Variants in AFAP1 observed in about 807,000 individuals in gnomAD.
AFAP1 encodes the protein actin filament associated protein 1.
In AFAP1, 75 loss-of-function variants were observed where a neutral mutation model predicts 93.9. That is an observed-to-expected ratio of 0.80 (90% CI 0.66 to 0.97). The LOEUF (loss-of-function observed/expected upper bound fraction) is 0.97. AFAP1 is among the 50% of genes least tolerant of loss of function. The probability of loss-of-function intolerance (pLI) is 0.00; values close to 1 mark genes in which losing one functional copy is unlikely to be tolerated. For missense variants in AFAP1, 1,201 were observed against 1,050.8 expected, an observed-to-expected ratio of 1.14 and a Z score of -1.98; for synonymous variants, 517 against 430.7, an observed-to-expected ratio of 1.20 and a Z score of -2.48.
chr4:7,904,245 G>A (rs2149219582), intron 1 of AFAP1, among the ~76,000 whole-genome samples: 1 of 152,148 alleles, frequency 6.6e-6, no homozygotes, highest in South Asian at 2.1e-4. Flanking sequence ...AGAGTGCACG[G>A]GGCCGACTGC....
intron 12 of AFAP1, among the ~76,000 whole-genome samples, chr4:7,783,296 T>C (rs1484559462): frequency 1.3e-5 from 2 of 152,208 alleles, no homozygotes; most frequent in Admixed American, 6.5e-5. Flanking sequence ...CCCACCACCA[T>C]GCCCGGCTAA....
chr4:7,778,056 A>C (rs1384117599), intron 14 of AFAP1: 1 of 153,266 alleles, frequency 6.5e-6, no homozygotes, highest in East Asian at 1.9e-4. Flanking sequence ...TTCTCTGCCC[A>C]ATCTATTTCC....
chr4:7,837,098 C>A (rs930352085), intron 6 of AFAP1, among the ~76,000 whole-genome samples: 2 of 152,098 alleles, frequency 1.3e-5, no homozygotes, highest in African/African-American at 4.8e-5. Context: ...GTCAAGTAAA[C>A]GTTTCTAAAA....
intron 2 of AFAP1, among the ~76,000 whole-genome samples, chr4:7,871,032 A>T (rs1716984294): frequency 6.6e-6 from 1 of 152,098 alleles, no homozygotes; most frequent in Non-Finnish European, 1.5e-5. Context: ...ATCATCCAGG[A>T]ACTGCCCCTC....
chr4:7,826,780 C>A (rs1482910614), intron 6 of AFAP1, among the ~76,000 whole-genome samples: 2 of 152,154 alleles, frequency 1.3e-5, no homozygotes, highest in African/African-American at 4.8e-5. Flanking sequence ...CAGATACAGG[C>A]TGCCAGTGGG....
chr4:7,908,350 A>C (rs1353361733), intron 1 of AFAP1, among the ~76,000 whole-genome samples: 2 of 152,244 alleles, frequency 1.3e-5, no homozygotes, highest in African/African-American at 4.8e-5. Flanking sequence ...AGCCCTTGGC[A>C]TCACACTAGG....
rs369689889 is a variant in AFAP1 at position 7,800,688 on chromosome 4, G to A, written c.1055-35C>T. 3.8e-5 allele frequency: 61 copies of A among 1,611,320 alleles called. No homozygotes were observed. The African/African-American group carries it at 4.1e-4, about 11-fold the overall frequency. On this transcript the variant is annotated intron_variant, in intron 9 of 17. Coordinates refer to ENST00000420658, the MANE Select transcript of AFAP1 (RefSeq NM_001134647.2). ...CACAAGGCCACAGGTCAGCCGCCTCGGACAAGACCAGGCGAGGTGAAGACG... is the reference window on the plus strand; with the variant it reads ...CACAAGGCCACAGGTCAGCCGCCTCAGACAAGACCAGGCGAGGTGAAGACG...
chr4:7,919,867 C>G (rs912808878), intron 1 of AFAP1, among the ~76,000 whole-genome samples: 2 of 152,002 alleles, frequency 1.3e-5, no homozygotes, highest in Non-Finnish European at 2.9e-5. Flanking sequence ...CATTGTTCAG[C>G]TCCCACTTAT....
chr4:7,824,571 A>G (rs1336648244), intron 6 of AFAP1, among the ~76,000 whole-genome samples: 1 of 152,220 alleles, frequency 6.6e-6, no homozygotes, highest in East Asian at 1.9e-4. Flanking sequence ...CACAGTTCTC[A>G]TGGTTTTTTT....
At chr4:7,926,656 T>C (rs970367705) in intron 1 of AFAP1, among the ~76,000 whole-genome samples, 1 of 152,168 alleles carries the variant, frequency 6.6e-6, no homozygotes, top group Non-Finnish European at 1.5e-5. Flanking sequence ...TTCCTCCTTT[T>C]CCACCCAAGT....
chr4:7,846,635 C>G (rs1171577939), intron 4 of AFAP1, among the ~76,000 whole-genome samples: 1 of 152,214 alleles, frequency 6.6e-6, no homozygotes, highest in Non-Finnish European at 1.5e-5. Context: ...TTTAATTTCA[C>G]TCATTCCACA....
chr4:7,872,688 A>G (rs1365446429), intron 1 of AFAP1, among the ~76,000 whole-genome samples: 1 of 152,190 alleles, frequency 6.6e-6, no homozygotes, highest in African/African-American at 2.4e-5. Flanking sequence ...GGCTTAGGTC[A>G]GCAGTTTGTA....
intron 5 of AFAP1, 121 bp downstream of exon 5, chr4:7,843,018 T>A: frequency 2.6e-6 from 3 of 1,136,552 alleles, no homozygotes; most frequent in Non-Finnish European, 3.7e-6. Context: ...TCAGGGCACC[T>A]GGCTGACACC....
chr4:7,929,540 C>G (rs1187576533), intron 1 of AFAP1, among the ~76,000 whole-genome samples: 1 of 152,190 alleles, frequency 6.6e-6, no homozygotes, highest in African/African-American at 2.4e-5. Flanking sequence ...AAGTCCAACT[C>G]AAATACACCT....
Position 7,761,019 on chromosome 4 carries a change from C to T in AFAP1, c.*2746G>A, listed in dbSNP as rs1403486953. On this transcript the variant is annotated 3_prime_UTR_variant, in exon 18 of 18. Transcript: ENST00000420658. The stretch of plus-strand genomic sequence containing the variant: ...AGCCTGGCTTCGTTATGAAATCAGA[C>T]ACACTCGCAGCTGCCACAGAGGCAA... 3 of 152,258 alleles carry T rather than the reference C, an allele frequency of 2.0e-5. No homozygotes were observed. The highest frequency in any genetic ancestry group is 4.4e-5 in the Non-Finnish European group (3 of 68,044). 9.4% of individuals were successfully genotyped at this position (152,258 alleles called of 1,614,324 possible).
rs1300183125 is a variant in AFAP1 at position 7,793,657 on chromosome 4, A to G, written c.1412+24T>C. 7 of 1,493,126 alleles carry G rather than the reference A, an allele frequency of 4.7e-6. 1 individual carries two copies. The South Asian group carries it at 7.0e-5, about 15-fold the overall frequency. The allele number at this position is 1,493,126 out of a possible 1,614,324, so 92.5% of individuals were successfully genotyped here. A position where few individuals can be genotyped will look rare whatever the true frequency, so the allele number is the denominator to read the frequency against. Reference sequence around the variant, plus strand: ...AAGACAGTTACTGAACTGTGGTGCCATTTCACATGGCAGTGGGTCTTACCA... The same window carrying G: ...AAGACAGTTACTGAACTGTGGTGCCGTTTCACATGGCAGTGGGTCTTACCA... On this transcript the variant is annotated intron_variant, in intron 11 of 17. Coordinates refer to ENST00000420658, the MANE Select transcript of AFAP1 (RefSeq NM_001134647.2).
intron 5 of AFAP1, among the ~76,000 whole-genome samples, chr4:7,839,699 A>G (rs1405393859): frequency 3.3e-5 from 5 of 152,194 alleles, no homozygotes; most frequent in Non-Finnish European, 2.9e-5. Context: ...CTTAACTCAA[A>G]TGGCTCTTGC....
chr4:7,787,294 C>T (rs1004786538), intron 11 of AFAP1, among the ~76,000 whole-genome samples: 1 of 152,172 alleles, frequency 6.6e-6, no homozygotes, highest in Non-Finnish European at 1.5e-5. Flanking sequence ...CTTTGCCCGG[C>T]GCACCTCTTC....
intron 6 of AFAP1, among the ~76,000 whole-genome samples, chr4:7,838,291 C>T (rs1368624841): frequency 2.0e-5 from 3 of 152,108 alleles, no homozygotes; most frequent in Non-Finnish European, 4.4e-5. Flanking sequence ...AGAAAGTCGT[C>T]GAAGCAGCCT....
Sources: gnomAD v4.1 joint callset for allele counts (sites outside exome capture counted in the v4.1 genomes callset) on GRCh38, gnomAD v4.1.1 for gene constraint, MANE v1.5 for transcripts, NCBI Gene and HGNC (gene_info 2026-07-23, HGNC 2026-07-21) for gene names.